The following LEKR1 variants were observed in gnomAD, a reference collection of about 807,000 sequenced individuals.
LEKR1 encodes protein LEKR1.
LEKR1 carries 59 observed loss-of-function variants against 72.4 expected under a neutral mutation model. That is an observed-to-expected ratio of 0.82 (90% confidence interval 0.66 to 1.01). LEKR1 has a LOEUF of 1.01. Ranked by LOEUF, LEKR1 falls within the 50% of genes least tolerant of loss-of-function variation. The pLI is 0.00. For missense variants in LEKR1, 728 were observed against 759.2 expected, an observed-to-expected ratio of 0.96 and a Z score of 0.48; for synonymous variants, 257 against 263.2, an observed-to-expected ratio of 0.98 and a Z score of 0.23.
At chr3:156,942,410 C>T (rs182814201) in intron 5 of LEKR1, 119 bp from the exon 6 acceptor site, 1 of 328,302 alleles carries the variant, frequency 3.0e-6, no homozygotes, top group East Asian at 1.4e-4. Context: ...TCATTATAAT[C>T]TCAGAAATGT....
chr3:156,910,346 A>C (rs1466550949), intron 3 of LEKR1, among the ~76,000 whole-genome samples: 1 of 152,158 alleles, frequency 6.6e-6, no homozygotes, highest in African/African-American at 2.4e-5. Context: ...TTTAGTCTTT[A>C]GCTCTCACTT....
At chr3:157,026,238 C>G (rs1252676720) in intron 11 of LEKR1, among the ~76,000 whole-genome samples, 1 of 152,136 alleles carries the variant, frequency 6.6e-6, no homozygotes, top group Non-Finnish European at 1.5e-5. Flanking sequence ...GAGTCTCCCC[C>G]TTTCTTCTTC....
At chr3:156,989,710 C>T (rs1730994450) in intron 7 of LEKR1, among the ~76,000 whole-genome samples, 1 of 152,056 alleles carries the variant, frequency 6.6e-6, no homozygotes. Flanking sequence ...TCAAAGAGCA[C>T]CCAGATAGTC....
chr3:156,879,447 G>T (rs1370325473), intron 3 of LEKR1, among the ~76,000 whole-genome samples: 1 of 152,174 alleles, frequency 6.6e-6, no homozygotes, highest in Non-Finnish European at 1.5e-5. Flanking sequence ...TTACTTGGGT[G>T]CTGTTAAAAG....
intron 7 of LEKR1, among the ~76,000 whole-genome samples, chr3:156,991,159 T>A (rs1731116682): frequency 6.6e-6 from 1 of 152,104 alleles, no homozygotes; most frequent in South Asian, 2.1e-4. Flanking sequence ...AAATCAGTGA[T>A]TACAATATTA....
intron 6 of LEKR1, among the ~76,000 whole-genome samples, chr3:156,977,173 A>T (rs1179975106): frequency 1.3e-5 from 2 of 152,166 alleles, no homozygotes; most frequent in African/African-American, 2.4e-5. Flanking sequence ...TCTCCATGCC[A>T]CCGGTGATGG....
intron 2 of LEKR1, among the ~76,000 whole-genome samples, chr3:156,851,853 G>A (rs1177678934): frequency 6.6e-6 from 1 of 152,060 alleles, no homozygotes; most frequent in Non-Finnish European, 1.5e-5. Flanking sequence ...AGCATTTTAT[G>A]AAGCCATCTC....
chr3:156,984,540 G>C (rs934048546), intron 7 of LEKR1, among the ~76,000 whole-genome samples: 2 of 152,084 alleles, frequency 1.3e-5, no homozygotes, highest in Non-Finnish European at 2.9e-5. Flanking sequence ...AGCCAGGCAT[G>C]GTGGCAGGTG....
intron 3 of LEKR1, among the ~76,000 whole-genome samples, chr3:156,919,785 G>A (rs1251730363): frequency 2.0e-5 from 3 of 152,046 alleles, no homozygotes; most frequent in East Asian, 1.9e-4. Flanking sequence ...TTCTTTGGAC[G>A]TTGTGAGTTA....
intron 7 of LEKR1, among the ~76,000 whole-genome samples, chr3:156,981,172 C>T (rs1481450197): frequency 6.6e-6 from 1 of 152,098 alleles, no homozygotes; most frequent in Non-Finnish European, 1.5e-5. Context: ...GGTTTGTGTA[C>T]ACTCAAGGAT....
intron 6 of LEKR1, among the ~76,000 whole-genome samples, chr3:156,944,504 C>T (rs1179205516): frequency 1.3e-5 from 2 of 151,574 alleles, no homozygotes; most frequent in Non-Finnish European, 3.0e-5. Flanking sequence ...AGCTTTTATT[C>T]ATCCTGTCTA....
chr3:156,993,994 G>A (rs1164145576), intron 9 of LEKR1, among the ~76,000 whole-genome samples: 3 of 151,864 alleles, frequency 2.0e-5, no homozygotes, highest in African/African-American at 7.2e-5. Context: ...GCTTCTTTAA[G>A]AGATTATTTC....
rs553787211 is a variant in LEKR1, at chr3:157,012,162, G to A, written c.1203+656G>A. On this transcript the variant is annotated intron_variant, in intron 10 of 12. Transcript: ENST00000356539. Reference sequence around the variant, plus strand: ...GACCATCCACAGCTCTAGTCATTGAGTTAAAAGCAGTCATCTTTCTGCCAT... The same window carrying A: ...GACCATCCACAGCTCTAGTCATTGAATTAAAAGCAGTCATCTTTCTGCCAT... Among the ~76,000 whole-genome samples the A allele has an allele frequency of 4.6e-5, 7 of 152,196 alleles. 1 individual carries two copies. Among genetic ancestry groups the A allele is most frequent in the African/African-American group, 1.7e-4 (7 of 41,554 alleles).
intron 6 of LEKR1, chr3:156,977,880 A>G (rs1729836198): frequency 1.1e-5 from 2 of 183,896 alleles, no homozygotes; most frequent in African/African-American, 4.7e-5. Flanking sequence ...CTTTCTCTAT[A>G]CTCCCACCAT....
chr3:157,019,807 G>A (rs1369289593), intron 10 of LEKR1, among the ~76,000 whole-genome samples: 2 of 152,120 alleles, frequency 1.3e-5, no homozygotes, highest in African/African-American at 2.4e-5. Flanking sequence ...TAAGCAAATC[G>A]TTGTGTTTAT....
At chr3:156,944,358 A>G (rs1726496172) in intron 6 of LEKR1, among the ~76,000 whole-genome samples, 1 of 151,828 alleles carries the variant, frequency 6.6e-6, no homozygotes, top group Non-Finnish European at 1.5e-5. Flanking sequence ...TAATTATGTC[A>G]CGGTAAATGA....
intron 3 of LEKR1, among the ~76,000 whole-genome samples, chr3:156,865,650 G>C (rs1389466882): frequency 1.3e-5 from 2 of 151,804 alleles, no homozygotes; most frequent in Non-Finnish European, 2.9e-5. Context: ...CTGCAACCTG[G>C]TGGTTGTGTC....
intron 2 of LEKR1, among the ~76,000 whole-genome samples, chr3:156,848,985 C>T (rs1266009261): frequency 6.6e-6 from 1 of 152,164 alleles, no homozygotes; most frequent in Non-Finnish European, 1.5e-5. Flanking sequence ...TTGCAGATGA[C>T]ATGATTGTAT....
At chr3:156,967,350 C>T (rs1385775876) in intron 6 of LEKR1, among the ~76,000 whole-genome samples, 2 of 151,994 alleles carry the variant, frequency 1.3e-5, no homozygotes, top group Non-Finnish European at 2.9e-5. Context: ...AAGTTCGAAC[C>T]CATGGCAAAG....
Sources: allele counts gnomAD v4.1 joint callset (sites outside exome capture counted in the v4.1 genomes callset), GRCh38; gene constraint gnomAD v4.1.1; transcripts MANE v1.5; gene names NCBI Gene and HGNC (gene_info 2026-07-23, HGNC 2026-07-21).